Variants in NXPE3 observed in about 807,000 individuals in gnomAD.
NXPE3 encodes NXPE family member 3.
NXPE3 carries 26 observed loss-of-function variants against 46.1 expected under a neutral mutation model. The ratio of observed to expected loss-of-function variants is 0.56; its 90% CI spans 0.41 to 0.78. NXPE3 has a LOEUF of 0.78. Ranked by LOEUF, NXPE3 falls within the 30% of genes least tolerant of loss-of-function variation. The probability of loss-of-function intolerance (pLI) is 0.00; values close to 1 mark genes in which losing one functional copy is unlikely to be tolerated. For missense variants in NXPE3, 620 were observed against 686.0 expected (o/e 0.90, Z 1.07); for synonymous variants, 272 against 257.9 (o/e 1.05, Z -0.52).
chr3:101,814,141 AAC>A (rs1941859285), intron 6 of NXPE3, among the ~76,000 whole-genome samples: 1 of 152,252 alleles, frequency 6.6e-6, no homozygotes, highest in African/African-American at 2.4e-5. Context: ...CTACCGAATT[AAC>A]AGTGGTAAAA....
Position 101,807,084 on chromosome 3 carries a change from A to G in NXPE3, c.880A>G (p.Ser294Gly). The G allele has an allele frequency of 1.2e-6, 2 of 1,613,596 alleles. No individual in the cohort carries two copies. The highest frequency in any genetic ancestry group is 1.7e-5 in the Admixed American group (1 of 60,008). Reference protein sequence around the residue: ...GVNIKMPVNSSGPDWVTVIPR... With the variant: ...GVNIKMPVNSGGPDWVTVIPR... ...CAATATCAAAATGCCAGTCAACTCC[A>G]GTGGACCTGATTGGGTAACTGTGAT... The change falls in exon 6 of 8, where the codon AGT becomes GGT. Residue 294 changes from serine to glycine, a missense_variant. Ser to Gly is a moderately conservative substitution (Grantham distance 56, BLOSUM62 0). Around this residue, in one of 3 missense-constraint regions of NXPE3, gnomAD observed 511 missense variants for 528.6 expected, o/e 0.97. Transcript: ENST00000273347.
chr3:101,785,644 A>T lies in NXPE3; in HGVS notation c.48A>T (p.Ala16=), dbSNP rs761490086. The change falls in exon 4 of 8, where the codon GCA becomes GCT. Residue 16 remains alanine (A), a synonymous_variant. Coordinates refer to ENST00000273347, the MANE Select transcript of NXPE3 (RefSeq NM_145037.4). ...TACGGCTTTTCTGCTGTCTGCTTGCAGTGTTGATGGTGGTGGTGCTGGTCA... is the reference window on the plus strand; with the variant it reads ...TACGGCTTTTCTGCTGTCTGCTTGCTGTGTTGATGGTGGTGGTGCTGGTCA... ...FKLRLFCCLL[A]VLMVVVLVIN... 1.2e-6 allele frequency: 2 copies of T among 1,613,904 alleles called. No homozygotes were observed. Among genetic ancestry groups the T allele is most frequent in the African/African-American group, 2.7e-5 (2 of 74,878 alleles).
At chr3:101,790,298 T>C (rs1405209814) in intron 4 of NXPE3, among the ~76,000 whole-genome samples, 1 of 152,224 alleles carries the variant, frequency 6.6e-6, no homozygotes, top group Non-Finnish European at 1.5e-5. Flanking sequence ...GTCTACATGC[T>C]CTATCAGTTA....
intron 4 of NXPE3, among the ~76,000 whole-genome samples, chr3:101,794,859 C>T (rs188285214): frequency 6.6e-6 from 1 of 152,296 alleles, no homozygotes; most frequent in East Asian, 1.9e-4. Context: ...CAGCTAAAGG[C>T]TCTAATTATT....
chr3:101,799,782 G>A (rs934710634), intron 4 of NXPE3, among the ~76,000 whole-genome samples: 4 of 152,038 alleles, frequency 2.6e-5, no homozygotes, highest in African/African-American at 9.7e-5. Flanking sequence ...GCATCATTAG[G>A]TGCATTCTTT....
rs768806921 is a variant in NXPE3, at chr3:101,822,991, G to T, written c.*1037G>T. The T allele has an allele frequency of 6.6e-6, 1 of 152,012 alleles. No homozygotes were observed. Among genetic ancestry groups the T allele is most frequent in the Non-Finnish European group, 1.5e-5 (1 of 67,984 alleles). 9.4% of individuals were successfully genotyped at this position (152,012 alleles called of 1,614,324 possible). On this transcript the variant is annotated 3_prime_UTR_variant, in exon 8 of 8. Coordinates refer to ENST00000273347, the MANE Select transcript of NXPE3 (RefSeq NM_145037.4). ...GTATTTCTTGATTTGGGCATAAAAG[G>T]CACACCCATTCTCTCATGCTTGGAA...
intron 7 of NXPE3, among the ~76,000 whole-genome samples, chr3:101,818,751 A>AATTTTT (rs1942107218): frequency 8.6e-5 from 1 of 11,618 alleles, no homozygotes; most frequent in African/African-American, 2.7e-4. Context: ...ATATATATAT[A>AATTTTT]TATTTTTTTT....
At chr3:101,787,154 A>AG (rs1940235234) in intron 4 of NXPE3, among the ~76,000 whole-genome samples, 1 of 151,780 alleles carries the variant, frequency 6.6e-6, no homozygotes, top group African/African-American at 2.4e-5. Flanking sequence ...CTGTCTCAAA[A>AG]AAAAAAACAC....
intron 6 of NXPE3, among the ~76,000 whole-genome samples, chr3:101,809,471 A>C (rs1190329178): frequency 6.6e-6 from 1 of 152,172 alleles, no homozygotes; most frequent in African/African-American, 2.4e-5. Context: ...TTCTGCTTAA[A>C]CTTTCACCAA....
At chr3:101,798,602 A>ATATT (rs1401284055) in intron 4 of NXPE3, among the ~76,000 whole-genome samples, 6 of 141,718 alleles carry the variant, frequency 4.2e-5, no homozygotes, top group African/African-American at 5.2e-5. Context: ...ATATATATAT[A>ATATT]TTTTTTTTTT....
intron 5 of NXPE3, among the ~76,000 whole-genome samples, chr3:101,803,437 C>A (rs1431906399): frequency 6.6e-6 from 1 of 152,100 alleles, no homozygotes; most frequent in Non-Finnish European, 1.5e-5. Flanking sequence ...TGGCTCAGTA[C>A]AAAATGAAAA....
chr3:101,783,162 C>G (rs1457011058), intron 3 of NXPE3, among the ~76,000 whole-genome samples: 1 of 152,036 alleles, frequency 6.6e-6, no homozygotes, highest in Non-Finnish European at 1.5e-5. Context: ...CCCAGGTTCA[C>G]GCTGTTCTCC....
At chr3:101,819,174 T>C (rs773383824) in intron 7 of NXPE3, among the ~76,000 whole-genome samples, 3 of 152,196 alleles carry the variant, frequency 2.0e-5, no homozygotes, top group Non-Finnish European at 4.4e-5. Context: ...GTAGCACCTA[T>C]AGTAGTGGGC....
intron 4 of NXPE3, among the ~76,000 whole-genome samples, chr3:101,798,913 C>T (rs978398921): frequency 1.2e-4 from 18 of 152,132 alleles, no homozygotes; most frequent in Admixed American, 4.6e-4. Context: ...AGCCACTGTG[C>T]CCAGCCCAGT....
At chr3:101,813,354 C>T (rs1294947034) in intron 6 of NXPE3, among the ~76,000 whole-genome samples, 3 of 152,198 alleles carry the variant, frequency 2.0e-5, no homozygotes, top group Non-Finnish European at 4.4e-5. Flanking sequence ...GCAGCCCTCC[C>T]TGCCCCGCCC....
chr3:101,788,113 C>A (rs565193262), intron 4 of NXPE3, among the ~76,000 whole-genome samples: 1 of 152,196 alleles, frequency 6.6e-6, no homozygotes, highest in South Asian at 2.1e-4. Context: ...TAATGTATAA[C>A]AGTAGTTTTA....
chr3:101,821,884 A>G lies in NXPE3; in HGVS notation c.1610A>G (p.His537Arg). 1.2e-6 allele frequency: 2 copies of G among 1,614,188 alleles called. No homozygotes were observed. The highest frequency in any genetic ancestry group is 1.7e-6 in the Non-Finnish European group (2 of 1,180,032). The change falls in exon 8 of 8, where the codon CAT (histidine) becomes CGT (arginine). Residue 537 changes from histidine to arginine, a missense_variant. His to Arg is a conservative substitution (Grantham distance 29, BLOSUM62 0). Transcript: ENST00000273347. Reference protein sequence around the residue: ...TLAHYLPHKLHPDEVIVKNQL... With the variant: ...TLAHYLPHKLRPDEVIVKNQL... ...GCCCATTATCTACCGCACAAGCTGC[A>G]TCCAGATGAAGTTATTGTGAAGAAC...
In NXPE3 at chr3:101,822,176, CTTA is replaced by C; in HGVS notation, c.*223_*225del. On this transcript the variant is annotated 3_prime_UTR_variant, in exon 8 of 8. Coordinates refer to ENST00000273347, the MANE Select transcript of NXPE3 (RefSeq NM_145037.4). ...ATGTTGACTTAGCCATGGTAGAACTCTTAACTGCATCTACACACTATATTGCTC... is the reference window on the plus strand; with the variant it reads ...ATGTTGACTTAGCCATGGTAGAACTCACTGCATCTACACACTATATTGCTC... The C allele has an allele frequency of 2.0e-6, 1 of 502,246 alleles. No homozygotes were observed. The highest frequency in any genetic ancestry group is 3.3e-5 in the South Asian group (1 of 29,934). 31.1% of individuals were successfully genotyped at this position (502,246 alleles called of 1,614,324 possible).
intron 7 of NXPE3, among the ~76,000 whole-genome samples, chr3:101,819,938 C>T (rs1208541660): frequency 1.3e-5 from 2 of 152,184 alleles, no homozygotes; most frequent in Non-Finnish European, 2.9e-5. Flanking sequence ...CTACTCTCTA[C>T]TTCAACTTTT....
Sources: allele counts gnomAD v4.1 joint callset (sites outside exome capture counted in the v4.1 genomes callset), GRCh38; gene constraint gnomAD v4.1.1; regional missense constraint gnomAD v4.1.1; transcripts MANE v1.5; gene names NCBI Gene and HGNC (gene_info 2026-07-23, HGNC 2026-07-21).